DNAH7: variants seen among roughly 807,000 people sequenced by gnomAD.
DNAH7 encodes the protein dynein axonemal heavy chain 7.
DNAH7 carries 397 observed loss-of-function variants against 444.6 expected under a neutral mutation model. The ratio of observed to expected loss-of-function variants is 0.89; its 90% CI spans 0.82 to 0.97. The LOEUF (loss-of-function observed/expected upper bound fraction) is 0.97, where lower values mean the gene tolerates loss of function less well. Ranked by LOEUF, DNAH7 falls within the 50% of genes least tolerant of loss-of-function variation. DNAH7 has a pLI of 0.00. For synonymous variants in DNAH7, 1,636 were observed against 1,624.4 expected (o/e 1.01, Z -0.17); for missense variants, 4,902 against 4,800.8 (o/e 1.02, Z -0.62).
intron 21 of DNAH7, among the ~76,000 whole-genome samples, chr2:195,932,667 T>C (rs1688778647): frequency 6.6e-6 from 1 of 152,136 alleles, no homozygotes; most frequent in Admixed American, 6.6e-5. Context: ...TCTGCATCTA[T>C]TGAGATAATC....
chr2:195,880,040 T>C (rs1701285602), intron 36 of DNAH7, among the ~76,000 whole-genome samples: 1 of 152,156 alleles, frequency 6.6e-6, no homozygotes, highest in South Asian at 2.1e-4. Flanking sequence ...TCATCATTTA[T>C]TTAAAATATA....
intron 5 of DNAH7, among the ~76,000 whole-genome samples, chr2:196,046,143 G>A (rs1006518546): frequency 6.6e-6 from 1 of 152,038 alleles, no homozygotes; most frequent in Non-Finnish European, 1.5e-5. Flanking sequence ...GTATAGCTGA[G>A]CTTACAAGAA....
chr2:195,914,645 C>T (rs1687561566), intron 24 of DNAH7, among the ~76,000 whole-genome samples: 1 of 152,128 alleles, frequency 6.6e-6, no homozygotes, highest in Admixed American at 6.5e-5. Flanking sequence ...ATCTGAAAAA[C>T]ATCATTTTAT....
At position 195,988,006 on chromosome 2, in the gene DNAH7, A is replaced by G. The variant is rs1693038758; in HGVS notation, c.1577T>C (p.Ile526Thr). The G allele has an allele frequency of 6.2e-7, 1 of 1,612,538 alleles. No individual in the cohort carries two copies. Among genetic ancestry groups the G allele is most frequent in the Non-Finnish European group, 8.5e-7 (1 of 1,179,254 alleles). ...NHSYEKIIDE[I>T]CKYQKLIEEI... is the part of the protein sequence containing the mutation. ...CTCTATTAGTTTCTGGTATTTGCAA[A>G]TTTCATCTATTATTTTTTCATAACT... Residue 526 changes from isoleucine (I) to threonine (T), a missense_variant, in exon 13 of 65, where the codon ATT (isoleucine) becomes ACT (threonine). Transcript: ENST00000312428.
At chr2:195,993,401 G>A (rs2125658469) in intron 12 of DNAH7, among the ~76,000 whole-genome samples, 1 of 152,186 alleles carries the variant, frequency 6.6e-6, no homozygotes, top group Middle Eastern at 3.4e-3. Context: ...AATGTCACAG[G>A]AATACATAAA....
chr2:195,764,617 G>A (rs1380469440), intron 61 of DNAH7, among the ~76,000 whole-genome samples: 2 of 151,840 alleles, frequency 1.3e-5, no homozygotes, highest in African/African-American at 4.8e-5. Flanking sequence ...AGGAAATCAA[G>A]AAATCAAGAA....
chr2:195,886,081 TG>T (rs1021685308), intron 34 of DNAH7, 59 bp downstream of exon 34: 1 of 1,521,034 alleles, frequency 6.6e-7, no homozygotes, highest in African/African-American at 1.4e-5. Flanking sequence ...TAGGAAGCTT[TG>T]GGGAAAGCAG....
At position 195,754,335 on chromosome 2, in the gene DNAH7, A is replaced by G; in HGVS notation, c.11764+2T>C. On this transcript the variant is annotated splice_donor_variant, in intron 63 of 64. Coordinates refer to ENST00000312428, the MANE Select transcript of DNAH7 (RefSeq NM_018897.3). LOFTEE classifies it high-confidence loss of function. The stretch of plus-strand genomic sequence containing the variant: ...GCCGACTCATTCTGTCCCTGCACTT[A>G]CCATCCTCAGGAGGATGCTTGTATT... 6.2e-7 allele frequency: 1 copy of G among 1,613,432 alleles called. No individual in the cohort carries two copies. The highest frequency in any genetic ancestry group is 8.5e-7 in the Non-Finnish European group (1 of 1,179,582).
chr2:195,903,460 G>C (rs1415463122), intron 27 of DNAH7: 1 of 152,012 alleles, frequency 6.6e-6, no homozygotes, highest in African/African-American at 2.4e-5. Flanking sequence ...GTGACATTAG[G>C]AGATCTAGAA....
At chr2:196,048,477 G>T in intron 3 of DNAH7, 73 bp from the exon 4 acceptor site, 1 of 1,217,070 alleles carries the variant, frequency 8.2e-7, no homozygotes, top group Non-Finnish European at 1.2e-6. Flanking sequence ...ATGCACGAGT[G>T]TTTATAAACA....
intron 15 of DNAH7, among the ~76,000 whole-genome samples, chr2:195,984,227 T>C (rs554387984): frequency 1.3e-5 from 2 of 152,156 alleles, no homozygotes; most frequent in Non-Finnish European, 2.9e-5. Context: ...ACTAAGTGAG[T>C]GACCCAACAG....
chr2:195,924,854 A>G (rs1315203985), intron 22 of DNAH7, among the ~76,000 whole-genome samples: 1 of 152,228 alleles, frequency 6.6e-6, no homozygotes, highest in Non-Finnish European at 1.5e-5. Context: ...TCTAATGAGT[A>G]AGTTAAAAAA....
Position 195,794,417 on chromosome 2 carries a change from C to T in DNAH7, c.10637G>A (p.Gly3546Asp). The change falls in exon 57 of 65, where the codon GGT (glycine) becomes GAT (aspartate). Residue 3546 changes from glycine (G) to aspartate (D), a missense_variant. By Grantham distance (94) the Gly-to-Asp change is moderately conservative (BLOSUM62 -1). Transcript: ENST00000312428. ...TGATCGAATGATATTAGCCCGTAAA[C>T]CTTTTGGTGCTTCATTGGTCATTTT... Reference protein sequence around the residue: ...GVKMTNEAPKGLRANIIRSYL... With the variant: ...GVKMTNEAPKDLRANIIRSYL... 6.2e-7 allele frequency: 1 copy of T among 1,614,100 alleles called. No individual in the cohort carries two copies. The highest frequency in any genetic ancestry group is 8.5e-7 in the Non-Finnish European group (1 of 1,180,006).
At chr2:195,885,725 C>G (rs1701667424) in intron 34 of DNAH7, among the ~76,000 whole-genome samples, 1 of 152,060 alleles carries the variant, frequency 6.6e-6, no homozygotes, top group African/African-American at 2.4e-5. Context: ...TATTTATACA[C>G]ACACACACAT....
Position 195,960,248 on chromosome 2 carries a change from A to G in DNAH7, c.2891+12T>C, listed in dbSNP as rs909857360. 1.9e-5 allele frequency: 30 copies of G among 1,580,756 alleles called. No individual in the cohort carries two copies. Among genetic ancestry groups the G allele is most frequent in the Non-Finnish European group, 2.6e-5 (30 of 1,164,206 alleles). ...ACATAGCATAAACATTGCCATATAA[A>G]TATCACTTTACCTCATTTGTTTTTC... On this transcript the variant is annotated intron_variant, in intron 18 of 64. Transcript: ENST00000312428.
intron 54 of DNAH7, 102 bp downstream of exon 54, chr2:195,806,638 C>T (rs1164755794): frequency 3.4e-6 from 3 of 887,630 alleles, no homozygotes; most frequent in African/African-American, 1.7e-5. Context: ...CCCGCAGGCT[C>T]CTCTACCTCC....
intron 29 of DNAH7, among the ~76,000 whole-genome samples, chr2:195,896,995 A>G (rs1702357123): frequency 6.6e-6 from 1 of 152,212 alleles, no homozygotes; most frequent in Non-Finnish European, 1.5e-5. Flanking sequence ...ATATCTGGAA[A>G]TATGTAACAC....
chr2:195,745,786 C>T (rs185368665), intron 63 of DNAH7, among the ~76,000 whole-genome samples: 11 of 152,054 alleles, frequency 7.2e-5, no homozygotes, highest in African/African-American at 2.2e-4. Context: ...AATACTTTAC[C>T]GACAAGCAAA....
At chr2:195,866,462 C>T (rs1025445171) in intron 40 of DNAH7, among the ~76,000 whole-genome samples, 3 of 152,100 alleles carry the variant, frequency 2.0e-5, no homozygotes, top group Admixed American at 1.3e-4. Flanking sequence ...CCAATACATG[C>T]CAATGGCCAA....
Sources: gnomAD v4.1 joint callset for allele counts (sites outside exome capture counted in the v4.1 genomes callset) on GRCh38, gnomAD v4.1.1 for gene constraint, MANE v1.5 for transcripts, NCBI Gene and HGNC (gene_info 2026-07-23, HGNC 2026-07-21) for gene names.